RSRC1: variants seen among roughly 807,000 people sequenced by gnomAD.
RSRC1 encodes the protein serine/Arginine-related protein 53.
A neutral mutation model predicts 49.1 loss-of-function variants in RSRC1; 39 were observed. The observed-to-expected ratio is 0.79, with a 90% CI of 0.61 to 1.04. The LOEUF (loss-of-function observed/expected upper bound fraction) is 1.04. RSRC1 is among the 50% of genes least tolerant of loss of function. RSRC1 has a pLI of 0.00. For missense variants in RSRC1, 388 were observed against 402.4 expected (o/e 0.96, Z 0.31); for synonymous variants, 143 against 130.8 (o/e 1.09, Z -0.63).
At position 158,375,886 on chromosome 3, in the gene RSRC1, A is replaced by G. The variant is rs1192684936; in HGVS notation, c.583+20978A>G. On this transcript the variant is annotated intron_variant, in intron 6 of 9. Coordinates refer to ENST00000611884, the MANE Select transcript of RSRC1 (RefSeq NM_001271838.2). ...ACAATTTTTAATGAGCGTCTTTCATATGCCAGGTATTCTTTTAGGCACCAG... is the reference window on the plus strand; with the variant it reads ...ACAATTTTTAATGAGCGTCTTTCATGTGCCAGGTATTCTTTTAGGCACCAG... Among the ~76,000 whole-genome samples, 9 of 152,302 alleles carry G rather than the reference A, an allele frequency of 5.9e-5. No individual in the cohort carries two copies. The East Asian group carries it at 1.7e-3, about 29-fold the overall frequency.
At chr3:158,254,588 C>A (rs1488284013) in intron 4 of RSRC1, among the ~76,000 whole-genome samples, 1 of 152,014 alleles carries the variant, frequency 6.6e-6, no homozygotes, top group Admixed American at 6.6e-5. Context: ...GCCGCCAGCA[C>A]GCCTGGCTAA....
At chr3:158,532,985 A>G (rs1368547163) in intron 7 of RSRC1, among the ~76,000 whole-genome samples, 1 of 151,778 alleles carries the variant, frequency 6.6e-6, no homozygotes, top group African/African-American at 2.4e-5. Flanking sequence ...AAATTGTTAA[A>G]TGACAAATTG....
intron 6 of RSRC1, among the ~76,000 whole-genome samples, chr3:158,441,668 A>C (rs1030423913): frequency 4.8e-4 from 73 of 152,296 alleles, no homozygotes; most frequent in African/African-American, 1.7e-3. Flanking sequence ...CTTGTTAAAA[A>C]TGCAAAATCT....
intron 6 of RSRC1, among the ~76,000 whole-genome samples, chr3:158,428,670 A>G (rs1340248145): frequency 2.0e-5 from 3 of 151,916 alleles, no homozygotes; most frequent in Non-Finnish European, 4.4e-5. Context: ...AACGTGTATT[A>G]TAACCTAGTC....
intron 6 of RSRC1, among the ~76,000 whole-genome samples, chr3:158,372,258 G>T (rs1013171894): frequency 6.6e-6 from 1 of 151,732 alleles, no homozygotes; most frequent in Non-Finnish European, 1.5e-5. Context: ...GAACTCAATG[G>T]CTTGCTTCTA....
chr3:158,264,405 T>G (rs1725057413), intron 4 of RSRC1, among the ~76,000 whole-genome samples: 1 of 152,226 alleles, frequency 6.6e-6, no homozygotes, highest in African/African-American at 2.4e-5. Flanking sequence ...TCGAATCCTT[T>G]TAAATGTATT....
At chr3:158,329,433 G>C (rs1729401222) in intron 5 of RSRC1, among the ~76,000 whole-genome samples, 1 of 152,172 alleles carries the variant, frequency 6.6e-6, no homozygotes, top group African/African-American at 2.4e-5. Flanking sequence ...TGTCCTTTCT[G>C]TTTGTTAGTT....
intron 6 of RSRC1, among the ~76,000 whole-genome samples, chr3:158,445,753 A>T (rs1306368092): frequency 6.6e-6 from 1 of 152,130 alleles, no homozygotes; most frequent in South Asian, 2.1e-4. Flanking sequence ...AAATCTAAAC[A>T]GGCCAATGAT....
At chr3:158,507,795 A>G (rs759993553) in intron 7 of RSRC1, among the ~76,000 whole-genome samples, 14 of 152,326 alleles carry the variant, frequency 9.2e-5, no homozygotes, top group East Asian at 5.8e-4. Flanking sequence ...GGCATTGGCC[A>G]GGTATGATGG....
chr3:158,371,506 G>A (rs536823943), intron 6 of RSRC1, among the ~76,000 whole-genome samples: 4 of 151,826 alleles, frequency 2.6e-5, no homozygotes, highest in Admixed American at 6.6e-5. Flanking sequence ...TGAGTCTAGC[G>A]TTTTTGACTT....
intron 6 of RSRC1, among the ~76,000 whole-genome samples, chr3:158,384,523 C>T (rs550765503): frequency 2.0e-4 from 30 of 152,096 alleles, no homozygotes; most frequent in African/African-American, 6.5e-4. Flanking sequence ...AATGAATGGG[C>T]TATTAATAAA....
At chr3:158,414,472 A>T (rs1734634841) in intron 6 of RSRC1, among the ~76,000 whole-genome samples, 1 of 152,126 alleles carries the variant, frequency 6.6e-6, no homozygotes, top group Admixed American at 6.6e-5. Context: ...TGATGGGTTG[A>T]TAGGTGCAGC....
intron 6 of RSRC1, among the ~76,000 whole-genome samples, chr3:158,373,186 T>C (rs1475704264): frequency 2.6e-5 from 4 of 151,854 alleles, no homozygotes; most frequent in Admixed American, 6.6e-5. Context: ...CATATGCAAA[T>C]AGAGAAAATT....
chr3:158,190,245 C>T (rs1005720094), intron 3 of RSRC1, among the ~76,000 whole-genome samples: 6 of 151,942 alleles, frequency 3.9e-5, no homozygotes, highest in Admixed American at 6.6e-5. Flanking sequence ...TAGTTTATTT[C>T]CCCATGGTGG....
intron 4 of RSRC1, among the ~76,000 whole-genome samples, chr3:158,273,828 T>C (rs1458867615): frequency 6.6e-6 from 1 of 152,132 alleles, no homozygotes; most frequent in African/African-American, 2.4e-5. Flanking sequence ...TTGGATTCCA[T>C]TCATTCTCTC....
intron 3 of RSRC1, among the ~76,000 whole-genome samples, chr3:158,147,440 T>C (rs561459289): frequency 9.9e-4 from 150 of 152,120 alleles, no homozygotes; most frequent in Non-Finnish European, 1.9e-3. Context: ...CTCATGTTTT[T>C]GTATTTACCT....
chr3:158,162,913 TC>T (rs1453768222), intron 3 of RSRC1, among the ~76,000 whole-genome samples: 22 of 152,194 alleles, frequency 1.4e-4, no homozygotes, highest in Admixed American at 1.4e-3. Context: ...CGTTAACTCT[TC>T]CAGGTAAAAA....
chr3:158,219,247 G>C (rs1722108455), intron 4 of RSRC1, among the ~76,000 whole-genome samples: 1 of 151,494 alleles, frequency 6.6e-6, no homozygotes. Context: ...ATACCTTCTG[G>C]AAACAAGGTG....
At chr3:158,526,018 C>G (rs1208740328) in intron 7 of RSRC1, among the ~76,000 whole-genome samples, 1 of 151,846 alleles carries the variant, frequency 6.6e-6, no homozygotes, top group Non-Finnish European at 1.5e-5. Flanking sequence ...CTTTGATAGG[C>G]ACAGTTATAG....
Sources: allele counts gnomAD v4.1 joint callset (sites outside exome capture counted in the v4.1 genomes callset), GRCh38; gene constraint gnomAD v4.1.1; transcripts MANE v1.5; gene names NCBI Gene and HGNC (gene_info 2026-07-23, HGNC 2026-07-21).